The following SHPRH variants were observed in gnomAD, a reference collection of about 807,000 sequenced individuals.
SHPRH encodes the protein SNF2 histone linker PHD RING helicase, also known as E3 ubiquitin-protein ligase SHPRH.
SHPRH carries 106 observed loss-of-function variants against 202.5 expected under a neutral mutation model. The ratio of observed to expected loss-of-function variants is 0.52; its 90% CI spans 0.45 to 0.62. The LOEUF (loss-of-function observed/expected upper bound fraction) is 0.62. Ranked by LOEUF, SHPRH falls within the 20% of genes least tolerant of loss-of-function variation. The pLI is 0.00. For missense variants in SHPRH, 1,710 were observed against 2,020.0 expected, an observed-to-expected ratio of 0.85 and a Z score of 2.94; for synonymous variants, 729 against 686.0, an observed-to-expected ratio of 1.06 and a Z score of -0.98.
the SHPRH span, among the ~76,000 whole-genome samples, chr6:145,858,239 T>C: frequency 3.7e-4 from 57 of 152,268 alleles, no homozygotes; most frequent in East Asian, 8.3e-3. Context: ...CAAAAGCTTA[T>C]GTTTACACAA....
intron 2 of SHPRH, among the ~76,000 whole-genome samples, chr6:145,878,216 C>G (rs1466753722): frequency 6.6e-6 from 1 of 152,082 alleles, no homozygotes; most frequent in South Asian, 2.1e-4. Flanking sequence ...TCTCATATAC[C>G]CCTGCCTCCC....
chr6:145,921,475 G>T, intron 20 of SHPRH, 83 bp from the exon 21 acceptor site: 1 of 1,337,876 alleles, frequency 7.5e-7, no homozygotes, highest in Non-Finnish European at 1.0e-6. Context: ...AAAAGAACAT[G>T]TTTGCAAGTC....
Position 145,894,247 on chromosome 6 carries a change from T to A in SHPRH, c.4609-11A>T. The A allele has an allele frequency of 1.3e-6, 2 of 1,572,882 alleles. No individual in the cohort carries two copies. The highest frequency in any genetic ancestry group is 2.3e-5 in the South Asian group (2 of 85,398). On this transcript the variant is annotated splice_polypyrimidine_tract_variant and intron_variant, in intron 26 of 29. Coordinates refer to ENST00000275233, the MANE Select transcript of SHPRH (RefSeq NM_001042683.3). Reference sequence around the variant, plus strand: ...TAATACATCTTGCCACTAGAACACATAAAACAATAAGAAAACCAATATTTA... The same window carrying A: ...TAATACATCTTGCCACTAGAACACAAAAAACAATAAGAAAACCAATATTTA...
intron 11 of SHPRH, among the ~76,000 whole-genome samples, chr6:145,940,345 T>C (rs1786622075): frequency 6.6e-6 from 1 of 151,752 alleles, no homozygotes. Flanking sequence ...ATTAATTCCC[T>C]TTCTCTCTTT....
At chr6:145,903,493 A>T (rs961115655) in intron 25 of SHPRH, 20 of 152,072 alleles carry the variant, frequency 1.3e-4, no homozygotes, top group African/African-American at 4.8e-4. Flanking sequence ...TGCTTGCTAA[A>T]AATGCAGATT....
At chr6:145,946,170 T>C (rs1033238183) in intron 7 of SHPRH, 63 bp downstream of exon 7, 33 of 1,209,658 alleles carry the variant, frequency 2.7e-5, no homozygotes, top group Middle Eastern at 4.0e-4. Context: ...TCTCTAAGGA[T>C]TGCAAGAACT....
At chr6:145,947,847 A>C (rs905896259) in intron 5 of SHPRH, among the ~76,000 whole-genome samples, 5 of 152,034 alleles carry the variant, frequency 3.3e-5, no homozygotes, top group Non-Finnish European at 5.9e-5. Flanking sequence ...CTGACAAGTA[A>C]CTCTGCAGAA....
At chr6:145,925,464 A>C (rs1784794075) in intron 16 of SHPRH, among the ~76,000 whole-genome samples, 1 of 151,846 alleles carries the variant, frequency 6.6e-6, no homozygotes, top group South Asian at 2.1e-4. Flanking sequence ...ACTCATGAAT[A>C]GATAAAATTT....
intron 28 of SHPRH, 120 bp downstream of exon 28, chr6:145,893,095 T>A (rs1383584146): frequency 6.2e-6 from 4 of 641,784 alleles, no homozygotes; most frequent in Non-Finnish European, 9.0e-6. Context: ...AAAAATGTAG[T>A]ATCTAAGGAA....
chr6:145,892,413 T>C (rs908898466), intron 28 of SHPRH, among the ~76,000 whole-genome samples: 2 of 152,174 alleles, frequency 1.3e-5, no homozygotes, highest in African/African-American at 2.4e-5. Flanking sequence ...CCCAACACTT[T>C]AAGTCATGCT....
chr6:145,891,105 A>G (rs1781531172), intron 28 of SHPRH, among the ~76,000 whole-genome samples: 1 of 152,082 alleles, frequency 6.6e-6, no homozygotes, highest in African/African-American at 2.4e-5. Flanking sequence ...GCCTCTGTTC[A>G]AAGCCTTCCA....
intron 1 of SHPRH, 26 bp from the exon 2 acceptor site, chr6:145,955,380 G>T (rs1000779334): frequency 1.7e-5 from 26 of 1,522,392 alleles, no homozygotes; most frequent in African/African-American, 2.8e-5. Flanking sequence ...AACAACAGGA[G>T]GTATAACAAG....
At chr6:145,927,683 T>C (rs987059188) in intron 14 of SHPRH, among the ~76,000 whole-genome samples, 2 of 151,806 alleles carry the variant, frequency 1.3e-5, no homozygotes, top group African/African-American at 2.4e-5. Context: ...AAGGTAATTA[T>C]AGATTATTTA....
intron 4 of SHPRH, among the ~76,000 whole-genome samples, chr6:145,948,899 TCTC>T (rs1283463277): frequency 3.9e-5 from 6 of 151,968 alleles, no homozygotes; most frequent in African/African-American, 1.4e-4. Context: ...CCACTAGCCT[TCTC>T]CTTAATATTT....
intron 11 of SHPRH, among the ~76,000 whole-genome samples, chr6:145,937,319 C>G (rs1786220957): frequency 1.3e-5 from 2 of 152,076 alleles, no homozygotes; most frequent in Admixed American, 1.3e-4. Context: ...AAACCAGTCA[C>G]CATTCATGGA....
chr6:145,917,135 T>C (rs573180358), intron 23 of SHPRH: 9 of 152,278 alleles, frequency 5.9e-5, no homozygotes, highest in African/African-American at 2.2e-4. Flanking sequence ...AGAATAAGTG[T>C]TGGTAATCAT....
intron 2 of SHPRH, chr6:145,864,604 ATTTT>A (rs547513559): frequency 8.7e-5 from 13 of 149,642 alleles, no homozygotes; most frequent in Non-Finnish European, 6.2e-5. Flanking sequence ...AAAGAAAGAA[ATTTT>A]TTTTTTTTTT....
chr6:145,866,985 T>C (rs1779808165), intron 2 of SHPRH, among the ~76,000 whole-genome samples: 1 of 152,146 alleles, frequency 6.6e-6, no homozygotes, highest in Admixed American at 6.6e-5. Flanking sequence ...GTCAACACAC[T>C]TCAAGGTTGC....
At chr6:145,871,626 G>A (rs1027951333) in intron 2 of SHPRH, 1 of 152,144 alleles carries the variant, frequency 6.6e-6, no homozygotes. Flanking sequence ...ACTGCCCAAA[G>A]CAACTTATAA....
Sources: allele counts gnomAD v4.1 joint callset (sites outside exome capture counted in the v4.1 genomes callset), GRCh38; gene constraint gnomAD v4.1.1; transcripts MANE v1.5; gene names NCBI Gene and HGNC (gene_info 2026-07-23, HGNC 2026-07-21).